The following CSRP1 variants were observed in gnomAD, a reference collection of about 807,000 sequenced individuals.
The protein encoded by CSRP1 is cysteine and glycine rich protein 1, also known as cysteine and glycine-rich protein 1.
A neutral mutation model predicts 25.4 loss-of-function variants in CSRP1; 16 were observed. The ratio of observed to expected loss-of-function variants is 0.63; its 90% CI spans 0.43 to 0.96. The LOEUF is 0.96. Ranked by LOEUF, CSRP1 falls within the 40% of genes least tolerant of loss-of-function variation. The pLI, the probability that CSRP1 is intolerant of heterozygous loss-of-function variation, is 0.00. For synonymous variants in CSRP1, 97 were observed against 95.3 expected, an observed-to-expected ratio of 1.02 and a Z score of -0.10; for missense variants, 212 against 243.6, an observed-to-expected ratio of 0.87 and a Z score of 0.86.
At chr1:201,495,048 C>A (rs770961519) in intron 2 of CSRP1, among the ~76,000 whole-genome samples, 12 of 152,110 alleles carry the variant, frequency 7.9e-5, no homozygotes, top group Non-Finnish European at 1.5e-4. Context: ...TAATAAACAC[C>A]GAATCTTTTT....
chr1:201,489,951 T>C (rs13374558), intron 3 of CSRP1: 2 of 487,096 alleles, frequency 4.1e-6, no homozygotes, highest in African/African-American at 1.9e-5. Context: ...AAATATAGAA[T>C]GCACGCTCCT....
chr1:201,486,242 C>T (rs538546523), intron 4 of CSRP1: 19 of 669,214 alleles, frequency 2.8e-5, no homozygotes, highest in Admixed American at 1.9e-4. Flanking sequence ...AAGTGAGGCC[C>T]GAGTTTGTAC....
chr1:201,484,950 A>G (rs760455032), intron 5 of CSRP1, among the ~76,000 whole-genome samples, 161 bp from the exon 6 acceptor site: 13 of 151,966 alleles, frequency 8.6e-5, no homozygotes, highest in Non-Finnish European at 1.6e-4. Flanking sequence ...CAATCTCAAT[A>G]GTAAAATAGC....
intron 1 of CSRP1, 161 bp from the exon 2 acceptor site, chr1:201,496,465 C>T (rs542736703): frequency 6.2e-6 from 4 of 643,126 alleles, no homozygotes; most frequent in South Asian, 3.6e-5. Context: ...TGCTAGCTCT[C>T]GACAGCAGCC....
At chr1:201,484,967 G>A (rs1363677769) in intron 5 of CSRP1, among the ~76,000 whole-genome samples, 178 bp from the exon 6 acceptor site, 3 of 151,918 alleles carry the variant, frequency 2.0e-5, no homozygotes, top group Non-Finnish European at 1.5e-5. Context: ...TAGCGAAGAG[G>A]CTCTTGGTTG....
intron 2 of CSRP1, among the ~76,000 whole-genome samples, chr1:201,494,824 G>T (rs1664453847): frequency 6.8e-6 from 1 of 147,764 alleles, no homozygotes; most frequent in African/African-American, 2.4e-5. Flanking sequence ...CCTCAGCAGT[G>T]TGCGTGTGTG....
chr1:201,493,922 G>A (rs1664418519), intron 2 of CSRP1, among the ~76,000 whole-genome samples: 1 of 152,196 alleles, frequency 6.6e-6, no homozygotes, highest in Admixed American at 6.5e-5. Context: ...CAGGTGCTGT[G>A]TTAGGCATGA....
At chr1:201,501,388 C>G (rs1664666315) in intron 1 of CSRP1, among the ~76,000 whole-genome samples, 1 of 152,212 alleles carries the variant, frequency 6.6e-6, no homozygotes, top group Non-Finnish European at 1.5e-5. Flanking sequence ...TTTAGCTCCC[C>G]CCAGCTGTCT....
intron 4 of CSRP1, chr1:201,488,067 C>T (rs1395074180): frequency 6.6e-6 from 1 of 152,206 alleles, no homozygotes; most frequent in Non-Finnish European, 1.5e-5. Context: ...TATCTCAGGC[C>T]TCACGTGATG....
chr1:201,485,277 A>AC lies in CSRP1; in HGVS notation c.505+5dup. 6.2e-7 allele frequency: 1 copy of AC among 1,613,968 alleles called. No individual in the cohort carries two copies. The highest frequency in any genetic ancestry group is 8.5e-7 in the Non-Finnish European group (1 of 1,179,918). Reference sequence around the variant, plus strand: ...CTGACCCTCAATTAGAAGTGAAAACACCCACCTTTGCAGTAAATCTCGCCA... The same window carrying AC: ...CTGACCCTCAATTAGAAGTGAAAACACCCCACCTTTGCAGTAAATCTCGCCA... On this transcript the variant is annotated splice_donor_region_variant and intron_variant, in intron 5 of 5. Transcript: ENST00000340006.
intron 2 of CSRP1, chr1:201,495,904 A>G: frequency 5.7e-6 from 2 of 351,922 alleles, no homozygotes; most frequent in Non-Finnish European, 1.0e-5. Flanking sequence ...GAGAGAGAAG[A>G]GAGAGCTGAG....
intron 1 of CSRP1, among the ~76,000 whole-genome samples, chr1:201,504,328 T>C (rs1664750866): frequency 6.6e-6 from 1 of 152,230 alleles, no homozygotes; most frequent in South Asian, 2.1e-4. Flanking sequence ...ATGTGAAGTA[T>C]TTCTCACACT....
At chr1:201,492,239 A>G (rs1440132843) in intron 2 of CSRP1, 1 of 152,310 alleles carries the variant, frequency 6.6e-6, no homozygotes, top group Non-Finnish European at 1.5e-5. Flanking sequence ...TCTCTCCAGT[A>G]GGAGACCCAG....
chr1:201,487,219 C>T (rs1664177990), intron 4 of CSRP1: 1 of 240,808 alleles, frequency 4.2e-6, no homozygotes. Context: ...TCAAGACCAG[C>T]CTGGCCAACA....
intron 1 of CSRP1, among the ~76,000 whole-genome samples, chr1:201,501,153 C>A (rs1421970353): frequency 6.6e-6 from 1 of 152,118 alleles, no homozygotes; most frequent in Admixed American, 6.5e-5. Flanking sequence ...AAGTGATGGC[C>A]AGCACACTGT....
chr1:201,502,523 G>C (rs1396433282), intron 1 of CSRP1, among the ~76,000 whole-genome samples: 10 of 152,324 alleles, frequency 6.6e-5, no homozygotes, highest in African/African-American at 2.2e-4. Context: ...GGGGGAGAAT[G>C]GCTGCCATGG....
intron 1 of CSRP1, 30 bp from the exon 2 acceptor site, chr1:201,496,334 T>C: frequency 6.6e-7 from 1 of 1,512,528 alleles, no homozygotes; most frequent in South Asian, 1.1e-5. Context: ...TGGGAATTAA[T>C]TTTACAGGGA....
Position 201,484,551 on chromosome 1 carries a change from G to C in CSRP1, c.*162C>G. 2 of 688,102 alleles carry C rather than the reference G, an allele frequency of 2.9e-6. No homozygotes were observed. The highest frequency in any genetic ancestry group is 3.8e-5 in the South Asian group (2 of 52,410). The allele number at this position is 688,102 out of a possible 1,614,324, so 42.6% of individuals were successfully genotyped here. ...GCCCTTTAGTGGGGTGGGACCTCAGGCAGACCCCCAAACCAAAGGGAGCCA... is the reference window on the plus strand; with the variant it reads ...GCCCTTTAGTGGGGTGGGACCTCAGCCAGACCCCCAAACCAAAGGGAGCCA... On this transcript the variant is annotated 3_prime_UTR_variant, in exon 6 of 6. Coordinates refer to ENST00000340006, the MANE Select transcript of CSRP1 (RefSeq NM_004078.3).
intron 1 of CSRP1, among the ~76,000 whole-genome samples, chr1:201,497,223 G>A (rs1664541324): frequency 6.6e-6 from 1 of 151,882 alleles, no homozygotes; most frequent in South Asian, 2.1e-4. Flanking sequence ...GCCAGGTGTG[G>A]TGGTGCGCCC....
Sources: gnomAD v4.1 joint callset for allele counts (sites outside exome capture counted in the v4.1 genomes callset) on GRCh38, gnomAD v4.1.1 for gene constraint, MANE v1.5 for transcripts, NCBI Gene and HGNC (gene_info 2026-07-23, HGNC 2026-07-21) for gene names.